Variants in AKR1B1 observed in about 807,000 individuals in gnomAD.
The protein encoded by AKR1B1 is aldo-keto reductase family 1 member B1.
A neutral mutation model predicts 40.4 loss-of-function variants in AKR1B1; 22 were observed. The observed-to-expected ratio is 0.54, with a 90% CI of 0.39 to 0.78. The LOEUF (loss-of-function observed/expected upper bound fraction) is 0.78. Among genes scored for constraint, AKR1B1 ranks in the 30% least tolerant of loss-of-function variants. AKR1B1 has a pLI of 0.00. For synonymous variants in AKR1B1, 157 were observed against 149.9 expected (o/e 1.05, Z -0.35); for missense variants, 357 against 396.7 (o/e 0.90, Z 0.85).
At chr7:134,453,045 T>G (rs1647128884) in intron 1 of AKR1B1, among the ~76,000 whole-genome samples, 1 of 152,118 alleles carries the variant, frequency 6.6e-6, no homozygotes. Context: ...AATCTCAATT[T>G]CCAGAAAGAA....
intron 9 of AKR1B1, 92 bp from the exon 10 acceptor site, chr7:134,442,862 G>A (rs1805980944): frequency 8.0e-7 from 1 of 1,250,188 alleles, no homozygotes; most frequent in Non-Finnish European, 1.2e-6. Flanking sequence ...TCTCACTGAA[G>A]AAATAAAATA....
At chr7:134,451,832 A>C (rs1732035) in intron 1 of AKR1B1, 79 bp from the exon 2 acceptor site, 1,500,522 of 1,500,884 alleles carry the variant, frequency 1, 750,080 homozygotes, top group Middle Eastern at 1. Context: ...AGCCACCGAT[A>C]CCTGCTGACC....
Position 134,450,865 on chromosome 7 carries a change from C to T in AKR1B1, c.272G>A (p.Gly91Glu), listed in dbSNP as rs1806264099. 6.2e-7 allele frequency: 1 copy of T among 1,614,196 alleles called. No homozygotes were observed. Among genetic ancestry groups the T allele is most frequent in the Non-Finnish European group, 8.5e-7 (1 of 1,180,038 alleles). The change falls in exon 3 of 10, where the codon GGA becomes GAA. Residue 91 changes from glycine (G) to glutamate (E), a missense_variant. By Grantham distance (98) the Gly-to-Glu change is moderately conservative (BLOSUM62 -2). Coordinates refer to ENST00000285930, the MANE Select transcript of AKR1B1 (RefSeq NM_001628.4). ...GTCGCTGAGTGTCTTCTGGCAGGCT[C>T]CTTTCACCAGGCCCTTCTCATGGTA... is the stretch of plus-strand genomic sequence containing the variant. ...CTYHEKGLVKGACQKTLSDLK... is the reference protein window; with the variant it reads ...CTYHEKGLVKEACQKTLSDLK...
chr7:134,447,859 G>T, intron 7 of AKR1B1, 121 bp downstream of exon 7: 1 of 867,544 alleles, frequency 1.2e-6, no homozygotes, highest in Non-Finnish European at 1.9e-6. Context: ...TGTACTTGAG[G>T]ACCCCTAACC....
intron 1 of AKR1B1, among the ~76,000 whole-genome samples, chr7:134,456,491 G>A (rs994482582): frequency 6.6e-6 from 1 of 151,404 alleles, no homozygotes; most frequent in African/African-American, 2.4e-5. Flanking sequence ...GAGCCACCGC[G>A]CCCGGCCCCA....
At chr7:134,451,519 C>T in intron 2 of AKR1B1, 67 bp downstream of exon 2, 3 of 1,589,842 alleles carry the variant, frequency 1.9e-6, no homozygotes, top group Admixed American at 1.7e-5. Context: ...GTGGACTTGG[C>T]TTTGGGCTGA....
At chr7:134,451,875 C>T (rs1182737371) in intron 1 of AKR1B1, 122 bp from the exon 2 acceptor site, 13 of 1,050,624 alleles carry the variant, frequency 1.2e-5, no homozygotes, top group Admixed American at 2.0e-5. Flanking sequence ...AGACAGACCA[C>T]GTGCACTTCC....
chr7:134,458,865 C>T, intron 1 of AKR1B1, 132 bp downstream of exon 1: 1 of 1,078,850 alleles, frequency 9.3e-7, no homozygotes, highest in Non-Finnish European at 1.4e-6. Context: ...ACCCTGCAAG[C>T]CCGCGCGTGG....
At chr7:134,450,244 G>C (rs1806242352) in intron 3 of AKR1B1, among the ~76,000 whole-genome samples, 1 of 152,200 alleles carries the variant, frequency 6.6e-6, no homozygotes. Flanking sequence ...CCCACACTTT[G>C]AACCTGGCTC....
Position 134,451,780 on chromosome 7 carries a change from G to A in AKR1B1, c.67-27C>T, listed in dbSNP as rs369919372. 6.8e-5 allele frequency: 110 copies of A among 1,610,728 alleles called. 1 individual carries two copies. Among genetic ancestry groups the A allele is most frequent in the Middle Eastern group, 1.6e-4 (1 of 6,076 alleles). ...TGAAAGGAGAAAGAACGTGAGCCCCGCAGAATGCAGAGTCTGCACAGCAAG... is the reference window on the plus strand; with the variant it reads ...TGAAAGGAGAAAGAACGTGAGCCCCACAGAATGCAGAGTCTGCACAGCAAG... On this transcript the variant is annotated intron_variant, in intron 1 of 9. Coordinates refer to ENST00000285930, the MANE Select transcript of AKR1B1 (RefSeq NM_001628.4).
rs576319843 is a variant in AKR1B1, at chr7:134,455,601, C to T, written c.66+3396G>A. ...TTGTTGTTGTTGTTGTTTCTGAGAC[C>T]GAGTTTTTTTTTGCTCTTGTCGCCT... On this transcript the variant is annotated intron_variant, in intron 1 of 9. Coordinates refer to ENST00000285930, the MANE Select transcript of AKR1B1 (RefSeq NM_001628.4). 2.6e-4 allele frequency among the ~76,000 whole-genome samples: 40 copies of T among 152,134 alleles called. 1 individual carries two copies. The South Asian group carries it at 7.5e-3, about 28-fold the overall frequency.
intron 6 of AKR1B1, 73 bp from the exon 7 acceptor site, chr7:134,448,134 A>C: frequency 1.2e-5 from 15 of 1,266,014 alleles, no homozygotes; most frequent in South Asian, 2.5e-5. Context: ...CCCAACCCTA[A>C]TCCTCCCATC....
intron 4 of AKR1B1, chr7:134,449,505 T>A (rs1806219096): frequency 1.7e-6 from 1 of 596,382 alleles, no homozygotes; most frequent in African/African-American, 1.9e-5. Context: ...GAGAATGGCG[T>A]GAACCCAGGA....
At chr7:134,445,174 C>G (rs1422325268) in intron 9 of AKR1B1, 64 bp downstream of exon 9, 6 of 1,421,058 alleles carry the variant, frequency 4.2e-6, no homozygotes, top group Non-Finnish European at 5.9e-6. Flanking sequence ...GCAGGGATCA[C>G]TCTCTTGCTG....
chr7:134,451,042 C>T (rs777790899), intron 2 of AKR1B1, 140 bp from the exon 3 acceptor site: 7 of 736,894 alleles, frequency 9.5e-6, no homozygotes, highest in East Asian at 2.7e-5. Context: ...ATTTCCACTG[C>T]GTACTGGATC....
At chr7:134,459,170 G>C, upstream of AKR1B1, 1 of 1,370,750 alleles carries the variant, frequency 7.3e-7, no homozygotes, top group Non-Finnish European at 1.0e-6. Flanking sequence ...CGGTTGGCGC[G>C]CCGCTGCGCG....
chr7:134,449,599 AG>A, intron 4 of AKR1B1, 120 bp downstream of exon 4: 19 of 843,226 alleles, frequency 2.3e-5, no homozygotes, highest in Admixed American at 6.1e-5. Context: ...AAAAAAAAAA[AG>A]AGAGAGCAAA....
rs1805969828 is a variant in AKR1B1, at chr7:134,442,590, T to C, written c.*138A>G. 2.7e-6 allele frequency: 2 copies of C among 737,518 alleles called. No individual in the cohort carries two copies. The highest frequency in any genetic ancestry group is 1.8e-5 in the African/African-American group (1 of 56,642). 45.7% of individuals were successfully genotyped at this position (737,518 alleles called of 1,614,324 possible). A position where few individuals can be genotyped will look rare whatever the true frequency, so the allele number is the denominator to read the frequency against. On this transcript the variant is annotated 3_prime_UTR_variant, in exon 10 of 10. Coordinates refer to ENST00000285930, the MANE Select transcript of AKR1B1 (RefSeq NM_001628.4). ...GGGCTCTTGAGATCCAACATCAAGC[T>C]AGACACGCCCTCGCTGGCCACTCTA... is the stretch of plus-strand genomic sequence containing the variant.
chr7:134,447,393 A>C lies in AKR1B1; in HGVS notation c.742-12T>G. The C allele has an allele frequency of 6.2e-7, 1 of 1,613,258 alleles. No homozygotes were observed. The highest frequency in any genetic ancestry group is 8.5e-7 in the Non-Finnish European group (1 of 1,179,342). On this transcript the variant is annotated splice_polypyrimidine_tract_variant and intron_variant, in intron 7 of 9. Transcript: ENST00000285930. ...AACCGGATCAGGACCTGTGAGCCCA[A>C]GGAGACAGTGAGTGTGTATACATGC...
Sources: gnomAD v4.1 joint callset for allele counts (sites outside exome capture counted in the v4.1 genomes callset) on GRCh38, gnomAD v4.1.1 for gene constraint, MANE v1.5 for transcripts, NCBI Gene and HGNC (gene_info 2026-07-23, HGNC 2026-07-21) for gene names.